BMPR1B: variants seen among roughly 807,000 people sequenced by gnomAD.
BMPR1B encodes bone morphogenetic protein receptor type-1B.
Under a neutral mutation model 59.1 loss-of-function variants are expected in BMPR1B, and 12 were observed. That is an observed-to-expected ratio of 0.20 (90% CI 0.13 to 0.33). The LOEUF is 0.33. Ranked by LOEUF, BMPR1B falls within the 10% of genes least tolerant of loss-of-function variation. The pLI is 1.00. For missense variants in BMPR1B, 550 were observed against 610.9 expected (o/e 0.90, Z 1.05); for synonymous variants, 237 against 207.3 (o/e 1.14, Z -1.23).
At chr4:95,021,557 A>G (rs1723980154) in intron 3 of BMPR1B, among the ~76,000 whole-genome samples, 1 of 152,192 alleles carries the variant, frequency 6.6e-6, no homozygotes, top group Non-Finnish European at 1.5e-5. Flanking sequence ...TGATTAGGAT[A>G]TTCCTTTCTT....
At chr4:95,034,606 G>T (rs1248031662) in intron 3 of BMPR1B, among the ~76,000 whole-genome samples, 1 of 151,320 alleles carries the variant, frequency 6.6e-6, no homozygotes, top group East Asian at 1.9e-4. Context: ...GAATGCCATT[G>T]TTTCATTTTT....
intron 1 of BMPR1B, among the ~76,000 whole-genome samples, chr4:94,816,509 C>T (rs763326293): frequency 1.3e-5 from 2 of 152,100 alleles, no homozygotes; most frequent in East Asian, 3.9e-4. Context: ...TGTAACTCTT[C>T]ACTCTGTTTG....
chr4:94,823,166 T>C (rs561514988), intron 1 of BMPR1B, among the ~76,000 whole-genome samples: 119 of 152,346 alleles, frequency 7.8e-4, no homozygotes, highest in African/African-American at 2.7e-3. Flanking sequence ...TTAATGAGCT[T>C]GAGGTGCTCT....
At chr4:94,909,861 A>G (rs1156352605) in intron 2 of BMPR1B, among the ~76,000 whole-genome samples, 1 of 152,018 alleles carries the variant, frequency 6.6e-6, no homozygotes, top group Non-Finnish European at 1.5e-5. Context: ...CTGTGGTTAC[A>G]TGGGATCCCT....
At chr4:95,088,615 G>A (rs1039380300) in intron 3 of BMPR1B, among the ~76,000 whole-genome samples, 2 of 152,050 alleles carry the variant, frequency 1.3e-5, no homozygotes, top group African/African-American at 4.8e-5. Flanking sequence ...GAGAATGGGA[G>A]CCACTAGGAA....
chr4:94,860,806 A>AG (rs775619593), intron 1 of BMPR1B, among the ~76,000 whole-genome samples: 9,485 of 151,768 alleles, frequency 0.062, 727 homozygotes, highest in African/African-American at 0.19. Context: ...TCTTGGACAA[A>AG]ACCTTTTATA....
At chr4:94,784,874 TTTGG>T (rs1228270520) in intron 1 of BMPR1B, among the ~76,000 whole-genome samples, 1 of 152,198 alleles carries the variant, frequency 6.6e-6, no homozygotes, top group Non-Finnish European at 1.5e-5. Context: ...TAGCCTCCTC[TTTGG>T]TACAGCCTTC....
intron 1 of BMPR1B, among the ~76,000 whole-genome samples, chr4:94,859,850 G>A (rs1725909909): frequency 6.6e-6 from 1 of 152,070 alleles, no homozygotes; most frequent in African/African-American, 2.4e-5. Context: ...TTACTAAAGG[G>A]TGGCATGGTT....
chr4:94,795,574 C>G (rs1018832864), intron 1 of BMPR1B, among the ~76,000 whole-genome samples: 1 of 152,126 alleles, frequency 6.6e-6, no homozygotes, highest in Non-Finnish European at 1.5e-5. Flanking sequence ...AGCGATTCTC[C>G]TGCCTCAGCC....
chr4:94,796,422 G>C (rs891455751), intron 1 of BMPR1B, among the ~76,000 whole-genome samples: 5 of 152,198 alleles, frequency 3.3e-5, no homozygotes, highest in African/African-American at 4.8e-5. Flanking sequence ...GTGGCATCAA[G>C]ATGTTTCTGA....
At chr4:94,860,680 A>G (rs1177663760) in intron 1 of BMPR1B, among the ~76,000 whole-genome samples, 2 of 152,162 alleles carry the variant, frequency 1.3e-5, no homozygotes, top group Middle Eastern at 3.2e-3. Flanking sequence ...GTCAATAAGC[A>G]TTGAGATTGT....
At chr4:95,071,348 C>A (rs1354322818) in intron 3 of BMPR1B, among the ~76,000 whole-genome samples, 1 of 151,930 alleles carries the variant, frequency 6.6e-6, no homozygotes. Context: ...AGATACTGCC[C>A]AAGGAAATTT....
Position 95,131,454 on chromosome 4 carries a change from G to C in BMPR1B, c.1018G>C (p.Val340Leu). ...AGATCTGAAAAGTAAAAACATTCTG[G>C]TGAAGAAAAATGGAACTTGCTGTAT... Reference protein sequence around the residue: ...HRDLKSKNILVKKNGTCCIAD... With the variant: ...HRDLKSKNILLKKNGTCCIAD... Residue 340 changes from valine (V) to leucine (L), a missense_variant, in exon 10 of 13, where the codon GTG becomes CTG. Val to Leu is a conservative substitution (Grantham distance 32). Coordinates refer to ENST00000515059, the MANE Select transcript of BMPR1B (RefSeq NM_001203.3). The C allele has an allele frequency of 2.5e-6, 4 of 1,613,988 alleles. No individual in the cohort carries two copies. The highest frequency in any genetic ancestry group is 3.4e-6 in the Non-Finnish European group (4 of 1,179,968).
At chr4:95,002,263 A>G (rs1722500463) in intron 3 of BMPR1B, among the ~76,000 whole-genome samples, 1 of 152,154 alleles carries the variant, frequency 6.6e-6, no homozygotes. Flanking sequence ...ATATTAATTC[A>G]CTTAGGATAA....
At chr4:94,855,259 A>C (rs1413848745) in intron 1 of BMPR1B, among the ~76,000 whole-genome samples, 1 of 152,146 alleles carries the variant, frequency 6.6e-6, no homozygotes, top group Non-Finnish European at 1.5e-5. Context: ...TCTCATTTTA[A>C]GTCTCATAAC....
intron 3 of BMPR1B, among the ~76,000 whole-genome samples, chr4:95,006,690 C>T (rs1208067908): frequency 6.6e-6 from 1 of 151,722 alleles, no homozygotes; most frequent in African/African-American, 2.4e-5. Flanking sequence ...TACAGGCGCA[C>T]CACCACACCT....
At chr4:94,980,630 G>C (rs1578877149) in intron 2 of BMPR1B, among the ~76,000 whole-genome samples, 1 of 152,126 alleles carries the variant, frequency 6.6e-6, no homozygotes, top group African/African-American at 2.4e-5. Context: ...CGTGCATTCT[G>C]TGAGGTAATG....
At chr4:94,836,577 T>C (rs1724828454) in intron 1 of BMPR1B, among the ~76,000 whole-genome samples, 1 of 146,964 alleles carries the variant, frequency 6.8e-6, no homozygotes, top group Non-Finnish European at 1.5e-5. Context: ...TGTCTGTTCA[T>C]ATCCTTTGCC....
At chr4:94,992,415 G>T (rs1003171585) in intron 2 of BMPR1B, among the ~76,000 whole-genome samples, 48 of 152,200 alleles carry the variant, frequency 3.2e-4, no homozygotes, top group East Asian at 3.9e-4. Context: ...ATGTGGTACT[G>T]TAGTCCAGCC....
Sources: gnomAD v4.1 joint callset for allele counts (sites outside exome capture counted in the v4.1 genomes callset) on GRCh38, gnomAD v4.1.1 for gene constraint, MANE v1.5 for transcripts, NCBI Gene and HGNC (gene_info 2026-07-23, HGNC 2026-07-21) for gene names.